The following SORL1-AS1 variants were observed in gnomAD, a reference collection of about 807,000 sequenced individuals.
SORL1-AS1 encodes lncRNA 51 A.
chr11:121,446,516 T>C (rs897463901), downstream of SORL1-AS1, among the ~76,000 whole-genome samples: 1 of 152,060 alleles, frequency 6.6e-6, no homozygotes, highest in African/African-American at 2.4e-5. Flanking sequence ...TTTGGGAAGC[T>C]GAGGTGGGCA....
downstream of SORL1-AS1, among the ~76,000 whole-genome samples, chr11:121,446,675 CAG>C (rs1565294778): frequency 6.6e-6 from 1 of 151,400 alleles, no homozygotes; most frequent in African/African-American, 2.4e-5. Flanking sequence ...CATTTGAACT[CAG>C]GGGGTGGAGG....
chr11:121,447,854 G>C (rs1409595795), exon 2 of SORL1-AS1: 4 of 152,168 alleles, frequency 2.6e-5, no homozygotes, highest in African/African-American at 9.7e-5. Context: ...GCTGAGTTGT[G>C]AAGGAGGTGA....
chr11:121,451,636 T>A (rs572873105), intron 1 of SORL1-AS1, among the ~76,000 whole-genome samples: 1 of 152,378 alleles, frequency 6.6e-6, no homozygotes, highest in South Asian at 2.1e-4. Flanking sequence ...GTTTATTTGC[T>A]GTGCTTCAGG....
Position 121,452,510 on chromosome 11 carries a change from T to C in SORL1-AS1, n.339+165A>G, listed in dbSNP as rs1591539639. ...CAGGGCGACCCGCGCGAGCTGCGGC[T>C]GTGGGCGCGCGGGGATGCCAGGGGG... On this transcript the variant is annotated intron_variant and non_coding_transcript_variant, in intron 1 of 1. Coordinates refer to ENST00000501964, the Ensembl canonical transcript of SORL1-AS1. The surrounding 1 kb of genome is among the most constrained non-coding windows in gnomAD (Gnocchi z 5.3). The C allele has an allele frequency of 6.8e-7, 1 of 1,479,184 alleles. No homozygotes were observed. The highest frequency in any genetic ancestry group is 8.9e-7 in the Non-Finnish European group (1 of 1,118,796). 91.6% of individuals were successfully genotyped at this position (1,479,184 alleles called of 1,614,324 possible).
In SORL1-AS1 at chr11:121,450,110, C is replaced by T. The variant is rs1565295672; in HGVS notation, n.340-211G>A. ...CAGTTTGTGTGGGCAAACAGATGCCCATCTTCAAATCCACACTTAGGAGAC... is the reference window on the plus strand; with the variant it reads ...CAGTTTGTGTGGGCAAACAGATGCCTATCTTCAAATCCACACTTAGGAGAC... On this transcript the variant is annotated intron_variant and non_coding_transcript_variant, in intron 1 of 1. Transcript: ENST00000501964. The surrounding 1 kb of genome is among the most constrained non-coding windows in gnomAD (Gnocchi z 5.2). 6.6e-6 allele frequency among the ~76,000 whole-genome samples: 1 copy of T among 152,190 alleles called. No homozygotes were observed.
At chr11:121,444,271 C>T (rs992045628), downstream of SORL1-AS1, among the ~76,000 whole-genome samples, 6 of 152,218 alleles carry the variant, frequency 3.9e-5, no homozygotes, top group African/African-American at 1.4e-4. Flanking sequence ...GATTTACCAA[C>T]AATACCTAAC....
downstream of SORL1-AS1, among the ~76,000 whole-genome samples, chr11:121,442,505 C>T (rs1030744805): frequency 5.9e-5 from 9 of 151,470 alleles, no homozygotes; most frequent in South Asian, 4.2e-4. Context: ...CGTGGTGGCA[C>T]GCACCTGTGG....
chr11:121,452,230 C>A lies in SORL1-AS1; in HGVS notation n.339+445G>T. The stretch of plus-strand genomic sequence containing the variant: ...CGGAGCGGCGCGGGCGGCCTGGAGC[C>A]CCGGGAGCGGCGCGCGCGGTCCCGG... On this transcript the variant is annotated intron_variant and non_coding_transcript_variant, in intron 1 of 1. Coordinates refer to ENST00000501964, the Ensembl canonical transcript of SORL1-AS1. The surrounding 1 kb of genome is among the most constrained non-coding windows in gnomAD (Gnocchi z 5.3). 1 of 950,402 alleles carries A rather than the reference C, an allele frequency of 1.1e-6. No individual in the cohort carries two copies. The highest frequency in any genetic ancestry group is 1.4e-6 in the Non-Finnish European group (1 of 735,604). The allele number at this position is 950,402 out of a possible 1,614,324, so 58.9% of individuals were successfully genotyped here. A position where few individuals can be genotyped will look rare whatever the true frequency, so the allele number is the denominator to read the frequency against.
the SORL1-AS1 span, among the ~76,000 whole-genome samples, chr11:121,440,661 C>G: frequency 6.6e-6 from 1 of 152,180 alleles, no homozygotes. Context: ...TCTTGAAGAC[C>G]TTCATTCAAG....
exon 2 of SORL1-AS1, chr11:121,448,879 A>G (rs900376055): frequency 6.6e-6 from 1 of 152,250 alleles, no homozygotes; most frequent in Admixed American, 6.5e-5. Flanking sequence ...GCTGTAACCT[A>G]GCCTAGGTGC....
At chr11:121,448,164 T>C (rs1236982374) in exon 2 of SORL1-AS1, 1 of 152,248 alleles carries the variant, frequency 6.6e-6, no homozygotes, top group Non-Finnish European at 1.5e-5. Context: ...AGATAGATAA[T>C]GCTGTTATAA....
At position 121,452,577 on chromosome 11, in the gene SORL1-AS1, C is replaced by T; in HGVS notation, n.339+98G>A. 1 of 1,521,116 alleles carries T rather than the reference C, an allele frequency of 6.6e-7. No homozygotes were observed. The highest frequency in any genetic ancestry group is 8.8e-7 in the Non-Finnish European group (1 of 1,142,074). 94.2% of individuals were successfully genotyped at this position (1,521,116 alleles called of 1,614,324 possible). On this transcript the variant is annotated intron_variant and non_coding_transcript_variant, in intron 1 of 1. Coordinates refer to ENST00000501964, the Ensembl canonical transcript of SORL1-AS1. This position sits in a 1 kb window ranked among gnomAD's most constrained non-coding sequence, Gnocchi z 5.3. ...AGAAGCCGCTCCGGAGGAAACGGAG[C>T]GCTGCCCTGCAGCCCGAGCCCATCA...
chr11:121,446,248 C>A (rs1860723654), downstream of SORL1-AS1, among the ~76,000 whole-genome samples: 1 of 152,124 alleles, frequency 6.6e-6, no homozygotes, highest in Non-Finnish European at 1.5e-5. Context: ...GTACCAAAAT[C>A]GTTGTTCTAA....
At chr11:121,441,705 T>C in the SORL1-AS1 span, among the ~76,000 whole-genome samples, 7 of 152,038 alleles carry the variant, frequency 4.6e-5, no homozygotes, top group Non-Finnish European at 7.4e-5. Context: ...TGGTGAGCCA[T>C]TGTGGATCAT....
downstream of SORL1-AS1, among the ~76,000 whole-genome samples, chr11:121,445,108 G>C (rs1860706654): frequency 6.6e-6 from 1 of 152,192 alleles, no homozygotes; most frequent in South Asian, 2.1e-4. Context: ...ATTTTATGTG[G>C]AGCCTCATTA....
chr11:121,448,170 T>C (rs1860746626), exon 2 of SORL1-AS1: 1 of 152,238 alleles, frequency 6.6e-6, no homozygotes, highest in Non-Finnish European at 1.5e-5. Flanking sequence ...ATAATGCTGT[T>C]ATAATGTTAT....
At chr11:121,441,530 C>CAA in the SORL1-AS1 span, among the ~76,000 whole-genome samples, 17 of 52,342 alleles carry the variant, frequency 3.2e-4, no homozygotes, top group African/African-American at 9.0e-4. Context: ...GACTCTGTCT[C>CAA]AAAAAAAAAA....
intron 1 of SORL1-AS1, among the ~76,000 whole-genome samples, chr11:121,451,789 T>G (rs530246920): frequency 2.0e-5 from 3 of 152,116 alleles, no homozygotes; most frequent in Non-Finnish European, 4.4e-5. Flanking sequence ...TAGGAGCTAA[T>G]TCTGTGGCTC....
At chr11:121,445,522 T>C (rs954600631), downstream of SORL1-AS1, among the ~76,000 whole-genome samples, 1 of 152,040 alleles carries the variant, frequency 6.6e-6, no homozygotes, top group African/African-American at 2.4e-5. Flanking sequence ...CAGCCTCCCA[T>C]AGCAGGCACC....
Sources: allele counts gnomAD v4.1 joint callset (sites outside exome capture counted in the v4.1 genomes callset), GRCh38; gene constraint gnomAD v4.1.1; non-coding constraint Gnocchi (gnomAD v3.1); transcripts MANE v1.5; gene names NCBI Gene and HGNC (gene_info 2026-07-23, HGNC 2026-07-21).